Variants in SLC45A4 observed in about 807,000 individuals in gnomAD.
SLC45A4 encodes solute carrier family 45 member 4.
In SLC45A4, 32 loss-of-function variants were observed where a neutral mutation model predicts 63.7. The ratio of observed to expected loss-of-function variants is 0.50; its 90% CI spans 0.38 to 0.67. The LOEUF (loss-of-function observed/expected upper bound fraction) is 0.67, where lower values mean the gene tolerates loss of function less well. SLC45A4 is among the 30% of genes least tolerant of loss of function. The pLI, the probability that SLC45A4 is intolerant of heterozygous loss-of-function variation, is 0.00. For synonymous variants in SLC45A4, 535 were observed against 510.0 expected (o/e 1.05, Z -0.66); for missense variants, 1,027 against 1,157.7 (o/e 0.89, Z 1.64).
At chr8:141,257,290 C>T (rs1368258970) in intron 1 of SLC45A4, among the ~76,000 whole-genome samples, 1 of 152,148 alleles carries the variant, frequency 6.6e-6, no homozygotes, top group African/African-American at 2.4e-5. Flanking sequence ...CACGATTTTC[C>T]CTGTTTTCAG....
At chr8:141,284,860 GCTGCCCGTGCCCCCTGCCCCGCCC>G (rs1277084896) in intron 1 of SLC45A4, among the ~76,000 whole-genome samples, 1 of 152,138 alleles carries the variant, frequency 6.6e-6, no homozygotes, top group Non-Finnish European at 1.5e-5. Context: ...GAAGAGAACA[GCTGCCCGTGCCCCCTGCCCCGCCC>G]CTGTCCCTGC....
In SLC45A4 at chr8:141,229,938, G is replaced by C. The variant is rs1395248617; in HGVS notation, c.242-8173C>G. ...GAGAACATGGTGCGCACAGCTCAGC[G>C]CTGGACACTAGATCCCTGCCTGCAC... On this transcript the variant is annotated intron_variant, in intron 2 of 8. Coordinates refer to ENST00000517878, the MANE Select transcript of SLC45A4 (RefSeq NM_001286646.2). This position sits in a 1 kb window ranked among gnomAD's most constrained non-coding sequence, Gnocchi z 5.0. 1 of 409,320 alleles carries C rather than the reference G, an allele frequency of 2.4e-6. No individual in the cohort carries two copies. Among genetic ancestry groups the C allele is most frequent in the Non-Finnish European group, 4.9e-6 (1 of 204,252 alleles). 25.4% of individuals were successfully genotyped at this position (409,320 alleles called of 1,614,324 possible).
chr8:141,232,177 G>A (rs1827388554), intron 2 of SLC45A4, among the ~76,000 whole-genome samples: 1 of 152,236 alleles, frequency 6.6e-6, no homozygotes, highest in Non-Finnish European at 1.5e-5. Flanking sequence ...GGGACTGGAG[G>A]GGGCGGGGGA....
In SLC45A4 at chr8:141,219,632, T is replaced by G. The variant is rs1316642403; in HGVS notation, c.610+18A>C. 1 of 1,591,068 alleles carries G rather than the reference T, an allele frequency of 6.3e-7. No homozygotes were observed. The highest frequency in any genetic ancestry group is 1.1e-5 in the South Asian group (1 of 88,406). On this transcript the variant is annotated intron_variant, in intron 4 of 8. Coordinates refer to ENST00000517878, the MANE Select transcript of SLC45A4 (RefSeq NM_001286646.2). ...CACGTTGGAACCCGGCCACCCAGCCTTGGTGCGGCAGCGTTACCGGCAGAG... is the reference window on the plus strand; with the variant it reads ...CACGTTGGAACCCGGCCACCCAGCCGTGGTGCGGCAGCGTTACCGGCAGAG...
rs114989191 is a variant in SLC45A4, at chr8:141,222,003, G to A, written c.242-238C>T. ...CAGAGAAAAGCAGCCAGGCCTTGGA[G>A]TGCCAGTGGGCTCCACCTGCACTGG... On this transcript the variant is annotated intron_variant, in intron 2 of 8. Transcript: ENST00000517878. Among the ~76,000 whole-genome samples the A allele has an allele frequency of 6.2e-3, 951 of 152,372 alleles. 12 individuals are homozygous for A. Among genetic ancestry groups the A allele is most frequent in the African/African-American group, 0.022 (909 of 41,580 alleles).
At position 141,269,023 on chromosome 8, in the gene SLC45A4, A is replaced by G. The variant is rs537555753; in HGVS notation, c.-400-14394T>C. Among the ~76,000 whole-genome samples the G allele has an allele frequency of 3.3e-5, 5 of 152,284 alleles. No homozygotes were observed. In the South Asian group the frequency reaches 8.3e-4, roughly 25 times the overall value. ...TGGATCAGTGTGGAGGGGCTTCCCT[A>G]AACTGCAGGTTCTGGGGCTCCACCC... On this transcript the variant is annotated intron_variant, in intron 1 of 8. Transcript: ENST00000517878.
chr8:141,282,764 G>A (rs1267871835), intron 1 of SLC45A4, among the ~76,000 whole-genome samples: 3 of 152,236 alleles, frequency 2.0e-5, no homozygotes, highest in Non-Finnish European at 4.4e-5. Context: ...AGAGTCTGCC[G>A]TGCGCCTCCA....
At chr8:141,298,727 G>A (rs891187767) in intron 1 of SLC45A4, among the ~76,000 whole-genome samples, 1 of 152,204 alleles carries the variant, frequency 6.6e-6, no homozygotes, top group African/African-American at 2.4e-5. Context: ...TGGCCAGGGA[G>A]GAGGGGTGTG....
intron 1 of SLC45A4, among the ~76,000 whole-genome samples, chr8:141,263,068 C>T (rs1040849895): frequency 3.3e-5 from 5 of 151,832 alleles, no homozygotes; most frequent in African/African-American, 1.2e-4. Flanking sequence ...TTTGTAGGGA[C>T]ATGGATGAAA....
At chr8:141,308,010 G>A (rs1240116186) in intron 1 of SLC45A4, 86 bp downstream of exon 1, 1 of 152,948 alleles carries the variant, frequency 6.5e-6, no homozygotes, top group Non-Finnish European at 1.5e-5. Flanking sequence ...CGGGAGGTGG[G>A]GGTGGGGAGG....
At chr8:141,240,203 G>A (rs904219973) in intron 2 of SLC45A4, among the ~76,000 whole-genome samples, 2 of 152,196 alleles carry the variant, frequency 1.3e-5, no homozygotes, top group Non-Finnish European at 2.9e-5. Flanking sequence ...ATCTGCAGAC[G>A]TCACTTATTC....
intron 1 of SLC45A4, among the ~76,000 whole-genome samples, chr8:141,267,036 G>A (rs1370476930): frequency 6.6e-6 from 1 of 152,274 alleles, no homozygotes; most frequent in Non-Finnish European, 1.5e-5. Flanking sequence ...GGGAGCCCCA[G>A]GACAGCGGTG....
At chr8:141,219,609 C>T (rs751156602) in intron 4 of SLC45A4, 41 bp downstream of exon 4, 7 of 1,569,086 alleles carry the variant, frequency 4.5e-6, no homozygotes, top group South Asian at 1.2e-5. Context: ...GGCCCGGGCA[C>T]GTTGGAACCC....
chr8:141,219,064 G>T, intron 4 of SLC45A4, 35 bp from the exon 5 acceptor site: 1 of 1,587,506 alleles, frequency 6.3e-7, no homozygotes, highest in South Asian at 1.1e-5. Context: ...GTGAGCCGGT[G>T]GCACCAGGCC....
rs61995881 is a variant in SLC45A4 at position 141,218,287 on chromosome 8, C to T, written c.1353G>A (p.Pro451=). 2.5e-3 allele frequency: 4,043 copies of T among 1,605,032 alleles called. 96 individuals carry two copies. In the African/African-American group the frequency reaches 0.047, roughly 19 times the overall value. Reference sequence around the variant, plus strand: ...CGTACAGGTCGCTCATGCTGCGCGACGGCTTGATCAGCACCACGGCGTTGG... The same window carrying T: ...CGTACAGGTCGCTCATGCTGCGCGATGGCTTGATCAGCACCACGGCGTTGG... ...RRANAVVLIK[P]SRSMSDLYDM... is the part of the protein sequence containing the mutation. Residue 451 remains proline, a synonymous_variant, in exon 5 of 9, where the codon CCG becomes CCA. Coordinates refer to ENST00000517878, the MANE Select transcript of SLC45A4 (RefSeq NM_001286646.2).
rs1227263183 is a variant in SLC45A4, at chr8:141,254,134, C to A, written c.96G>T (p.Glu32Asp). The A allele has an allele frequency of 5.9e-6, 9 of 1,536,080 alleles. No individual in the cohort carries two copies. The highest frequency in any genetic ancestry group is 7.8e-6 in the Non-Finnish European group (9 of 1,146,932). ...LPDPQKAGGA[E>D]AENCETISEG... The stretch of plus-strand genomic sequence containing the variant: ...CGCTGATGGTCTCGCAGTTCTCGGC[C>A]TCTGCGCCTCCGGCTTTCTGCGGGT... Residue 32 changes from glutamate to aspartate, a missense_variant, in exon 2 of 9, where the codon GAG (glutamate) becomes GAT (aspartate). By Grantham distance (45) the Glu-to-Asp change is conservative. Transcript: ENST00000517878. This position sits in a 1 kb window ranked among gnomAD's most constrained non-coding sequence, Gnocchi z 4.5.
chr8:141,219,900 C>T (rs1209463255), intron 3 of SLC45A4, 71 bp from the exon 4 acceptor site: 18 of 1,412,738 alleles, frequency 1.3e-5, no homozygotes, highest in Non-Finnish European at 1.6e-5. Flanking sequence ...AGCAAACAGC[C>T]ACATGGAAGG....
chr8:141,293,021 G>A (rs1384594206), intron 1 of SLC45A4, among the ~76,000 whole-genome samples: 5 of 152,098 alleles, frequency 3.3e-5, no homozygotes, highest in Admixed American at 1.3e-4. Context: ...ATGGGGATTG[G>A]ACACCCACAT....
At chr8:141,299,642 C>T (rs116607131) in intron 1 of SLC45A4, among the ~76,000 whole-genome samples, 2 of 152,188 alleles carry the variant, frequency 1.3e-5, no homozygotes, top group Non-Finnish European at 2.9e-5. Context: ...TGCCGTTTTA[C>T]GTAAGCAACA....
Sources: allele counts gnomAD v4.1 joint callset (sites outside exome capture counted in the v4.1 genomes callset), GRCh38; gene constraint gnomAD v4.1.1; non-coding constraint Gnocchi (gnomAD v3.1); transcripts MANE v1.5; gene names NCBI Gene and HGNC (gene_info 2026-07-23, HGNC 2026-07-21).